Variants in SUPT3H observed in about 807,000 individuals in gnomAD.
The protein encoded by SUPT3H is transcription initiation protein SPT3 homolog.
In SUPT3H, 44 loss-of-function variants were observed where a neutral mutation model predicts 44.3. That is an observed-to-expected ratio of 0.99 (90% CI 0.78 to 1.28). SUPT3H has a LOEUF of 1.28. Ranked by LOEUF, SUPT3H falls within the 50% of genes most tolerant of loss-of-function variation. SUPT3H has a pLI of 0.00. For synonymous variants in SUPT3H, 124 were observed against 125.6 expected (o/e 0.99, Z 0.09); for missense variants, 380 against 387.1 (o/e 0.98, Z 0.15).
intron 3 of SUPT3H, 81 bp from the exon 4 acceptor site, chr6:45,020,713 A>C: frequency 1.0e-6 from 1 of 952,886 alleles, no homozygotes; most frequent in South Asian, 1.7e-5. Context: ...TAAAGAGATA[A>C]ATATACTAAG....
At chr6:44,928,463 A>T (rs924864034) in intron 10 of SUPT3H, among the ~76,000 whole-genome samples, 8 of 152,188 alleles carry the variant, frequency 5.3e-5, no homozygotes, top group African/African-American at 1.9e-4. Flanking sequence ...GTTTGAAGCT[A>T]GGGGTTGGAA....
At position 45,328,112 on chromosome 6, in the gene SUPT3H, A is replaced by G. The variant is rs183363697; in HGVS notation, c.101+37089T>C. The G allele has an allele frequency of 1.6e-5, 6 of 377,870 alleles. No individual in the cohort carries two copies. In the Admixed American group the frequency reaches 1.9e-4, roughly 12 times the overall value. The allele number at this position is 377,870 out of a possible 1,614,324, so 23.4% of individuals were successfully genotyped here. A position where few individuals can be genotyped will look rare whatever the true frequency, so the allele number is the denominator to read the frequency against. On this transcript the variant is annotated intron_variant, in intron 2 of 10. Coordinates refer to ENST00000371459, the MANE Select transcript of SUPT3H (RefSeq NM_003599.4). ...TGAGTCACAAAAATTAAAAAGCTAT[A>G]TCCTTCTGGATGCCAGGAAAGGCCT...
At chr6:45,207,420 G>T (rs933503087) in intron 2 of SUPT3H, among the ~76,000 whole-genome samples, 1 of 152,162 alleles carries the variant, frequency 6.6e-6, no homozygotes, top group Non-Finnish European at 1.5e-5. Context: ...GATAAAAACT[G>T]GAGATAGGGA....
At chr6:45,234,250 A>C (rs1341894259) in intron 2 of SUPT3H, among the ~76,000 whole-genome samples, 1 of 152,180 alleles carries the variant, frequency 6.6e-6, no homozygotes, top group African/African-American at 2.4e-5. Context: ...CTTTGGTAAA[A>C]TACATTGATG....
intron 10 of SUPT3H, among the ~76,000 whole-genome samples, chr6:44,843,881 A>T (rs1426461230): frequency 6.6e-6 from 1 of 151,180 alleles, no homozygotes; most frequent in East Asian, 1.9e-4. Flanking sequence ...CCAAATAAAA[A>T]CTCAAAGGAC....
chr6:45,042,921 G>C (rs1249799294), intron 3 of SUPT3H, among the ~76,000 whole-genome samples: 1 of 152,068 alleles, frequency 6.6e-6, no homozygotes, highest in Admixed American at 6.6e-5. Flanking sequence ...ACTGCTAGAA[G>C]CTAAGTTATA....
intron 2 of SUPT3H, among the ~76,000 whole-genome samples, chr6:45,310,788 A>G (rs537407376): frequency 3.3e-5 from 5 of 152,272 alleles, no homozygotes; most frequent in Non-Finnish European, 7.4e-5. Flanking sequence ...ACAGCCTTCA[A>G]CCCTAGACCT....
At position 45,138,220 on chromosome 6, in the gene SUPT3H, G is replaced by A. The variant is rs78506708; in HGVS notation, c.102-32214C>T. Among the ~76,000 whole-genome samples, 828 of 152,174 alleles carry A rather than the reference G, an allele frequency of 5.4e-3. 12 individuals are homozygous for A. Among genetic ancestry groups the A allele is most frequent in the African/African-American group, 0.019 (796 of 41,524 alleles). ...TAATAAGAAGTGCTAGGGAGGATGT[G>A]GAAAAATCAAAATCCTCATATATTG... is the stretch of plus-strand genomic sequence containing the variant. On this transcript the variant is annotated intron_variant, in intron 2 of 10. Transcript: ENST00000371459.
chr6:45,121,773 T>C (rs1801710247), intron 2 of SUPT3H, among the ~76,000 whole-genome samples: 1 of 152,120 alleles, frequency 6.6e-6, no homozygotes, highest in South Asian at 2.1e-4. Flanking sequence ...CCTCCCAGCT[T>C]CAAACAATTC....
intron 2 of SUPT3H, among the ~76,000 whole-genome samples, chr6:45,122,688 T>TA (rs944561070): frequency 2.0e-5 from 3 of 151,860 alleles, no homozygotes; most frequent in South Asian, 2.1e-4. Context: ...TGTTTCTAAT[T>TA]AAAAAAAAAT....
At chr6:44,982,208 G>A (rs1199926364) in intron 6 of SUPT3H, among the ~76,000 whole-genome samples, 2 of 151,458 alleles carry the variant, frequency 1.3e-5, no homozygotes, top group African/African-American at 4.8e-5. Context: ...GTTTGTTTGA[G>A]ACAGTCTCAC....
chr6:45,035,913 AG>A (rs894095863), intron 3 of SUPT3H, among the ~76,000 whole-genome samples: 1 of 152,140 alleles, frequency 6.6e-6, no homozygotes, highest in African/African-American at 2.4e-5. Flanking sequence ...GAAAAAAAAA[AG>A]AGGTGAAAAA....
intron 2 of SUPT3H, among the ~76,000 whole-genome samples, chr6:45,312,463 C>T (rs1394086583): frequency 2.7e-5 from 4 of 146,780 alleles, no homozygotes; most frequent in African/African-American, 5.1e-5. Context: ...TGCAGTGAGC[C>T]GAGATCGTGC....
At chr6:45,330,576 A>G (rs1377264395) in intron 2 of SUPT3H, among the ~76,000 whole-genome samples, 1 of 152,046 alleles carries the variant, frequency 6.6e-6, no homozygotes, top group Non-Finnish European at 1.5e-5. Flanking sequence ...TATCATGAAG[A>G]ATATGTTAAA....
At position 45,129,767 on chromosome 6, in the gene SUPT3H, A is replaced by T. The variant is rs984443750; in HGVS notation, c.102-23761T>A. On this transcript the variant is annotated intron_variant, in intron 2 of 10. Coordinates refer to ENST00000371459, the MANE Select transcript of SUPT3H (RefSeq NM_003599.4). ...CGTATACTACTTATGGATTTTTTTAAAAAAATCCATCAATCAATCAATTGG... is the reference window on the plus strand; with the variant it reads ...CGTATACTACTTATGGATTTTTTTATAAAAATCCATCAATCAATCAATTGG... 2.0e-4 allele frequency among the ~76,000 whole-genome samples: 31 copies of T among 152,156 alleles called. No homozygotes were observed. In the East Asian group the frequency reaches 2.9e-3, roughly 14 times the overall value.
intron 9 of SUPT3H, among the ~76,000 whole-genome samples, chr6:44,933,647 T>C (rs917950274): frequency 2.0e-5 from 3 of 152,094 alleles, no homozygotes; most frequent in African/African-American, 7.2e-5. Context: ...TGCTAGGAAA[T>C]TGTTTTATTT....
chr6:45,201,422 G>A (rs1427583046), intron 2 of SUPT3H, among the ~76,000 whole-genome samples: 1 of 151,480 alleles, frequency 6.6e-6, no homozygotes, highest in African/African-American at 2.4e-5. Context: ...CACCACCAAT[G>A]GAATGCGATT....
At chr6:44,885,959 C>T (rs1346998689) in intron 10 of SUPT3H, among the ~76,000 whole-genome samples, 13 of 151,898 alleles carry the variant, frequency 8.6e-5, no homozygotes, top group Admixed American at 6.6e-5. Flanking sequence ...ATGAGAACTA[C>T]GTGAAAAATG....
chr6:45,007,443 A>G (rs1782869947), intron 5 of SUPT3H, among the ~76,000 whole-genome samples: 1 of 151,832 alleles, frequency 6.6e-6, no homozygotes, highest in African/African-American at 2.4e-5. Context: ...TTTCCCTCAT[A>G]ATTTTCATAT....
Sources: allele counts gnomAD v4.1 joint callset (sites outside exome capture counted in the v4.1 genomes callset), GRCh38; gene constraint gnomAD v4.1.1; transcripts MANE v1.5; gene names NCBI Gene and HGNC (gene_info 2026-07-23, HGNC 2026-07-21).